The following ABTB2 variants were observed in gnomAD, a reference collection of about 807,000 sequenced individuals.
ABTB2 encodes the protein ankyrin repeat and BTB domain containing 2.
A neutral mutation model predicts 104.1 loss-of-function variants in ABTB2; 56 were observed. The ratio of observed to expected loss-of-function variants is 0.54; its 90% CI spans 0.43 to 0.67. The LOEUF (loss-of-function observed/expected upper bound fraction) is 0.67, where lower values mean the gene tolerates loss of function less well. ABTB2 is among the 30% of genes least tolerant of loss of function. The pLI is 0.00. For synonymous variants in ABTB2, 606 were observed against 608.2 expected, an observed-to-expected ratio of 1.00 and a Z score of 0.05; for missense variants, 1,279 against 1,407.7, an observed-to-expected ratio of 0.91 and a Z score of 1.46.
At chr11:34,241,167 A>G (rs564069929) in intron 1 of ABTB2, among the ~76,000 whole-genome samples, 1 of 152,146 alleles carries the variant, frequency 6.6e-6, no homozygotes, top group Non-Finnish European at 1.5e-5. Flanking sequence ...CTTTGGGCAA[A>G]TAATTTATTT....
intron 1 of ABTB2, among the ~76,000 whole-genome samples, chr11:34,261,432 A>C (rs16925360): frequency 0.053 from 8,028 of 152,178 alleles, 280 homozygotes; most frequent in South Asian, 0.085. Context: ...AATTTAACTT[A>C]TAGAAATCCT....
At position 34,197,489 on chromosome 11, in the gene ABTB2, C is replaced by A. The variant is rs771974305; in HGVS notation, c.1080G>T (p.Leu360=). The change falls in exon 3 of 17, where the codon CTG becomes CTT. Residue 360 remains leucine, a synonymous_variant. Coordinates refer to ENST00000435224, the MANE Select transcript of ABTB2 (RefSeq NM_145804.3). Reference sequence around the variant, plus strand: ...GGCGGGCAGGGCTGGCACCCGGGCACAGGGGGTGACGCCCCTGCATGTGGT... The same window carrying A: ...GGCGGGCAGGGCTGGCACCCGGGCAAAGGGGGTGACGCCCCTGCATGTGGT... ...AMHHMQGRHP[L]CPGASPARQA... is the part of the protein sequence containing the mutation. 5.1e-6 allele frequency: 8 copies of A among 1,579,896 alleles called. No individual in the cohort carries two copies. The highest frequency in any genetic ancestry group is 6.9e-6 in the Non-Finnish European group (8 of 1,165,670).
At chr11:34,317,761 CAAAAA>C (rs772418965) in intron 1 of ABTB2, among the ~76,000 whole-genome samples, 1 of 125,640 alleles carries the variant, frequency 8.0e-6, no homozygotes, top group Non-Finnish European at 1.7e-5. Flanking sequence ...AATCCTGTCT[CAAAAA>C]AAAAAAAAAA....
intron 12 of ABTB2, 25 bp downstream of exon 12, chr11:34,160,223 C>G: frequency 3.2e-6 from 5 of 1,569,624 alleles, no homozygotes; most frequent in Non-Finnish European, 4.4e-6. Context: ...TGTGGTGATG[C>G]AGGGCGCAGG....
intron 9 of ABTB2, among the ~76,000 whole-genome samples, chr11:34,164,211 G>A (rs1032699188): frequency 2.0e-5 from 3 of 152,162 alleles, no homozygotes; most frequent in East Asian, 1.9e-4. Flanking sequence ...CTGCTGTCCC[G>A]CCACACCCCT....
chr11:34,264,506 C>T (rs899500846), intron 1 of ABTB2, among the ~76,000 whole-genome samples: 2 of 152,246 alleles, frequency 1.3e-5, no homozygotes, highest in Admixed American at 1.3e-4. Context: ...ACCTTTCAAA[C>T]TTGCTCAGAA....
intron 3 of ABTB2, among the ~76,000 whole-genome samples, chr11:34,186,137 T>G (rs1590210691): frequency 6.6e-6 from 1 of 152,232 alleles, no homozygotes; most frequent in Non-Finnish European, 1.5e-5. Context: ...GCTTTTGCTC[T>G]CTCAGCCTCA....
chr11:34,182,425 G>A (rs1041385256), intron 3 of ABTB2, among the ~76,000 whole-genome samples: 22 of 147,684 alleles, frequency 1.5e-4, no homozygotes, highest in Non-Finnish European at 2.4e-4. Context: ...CCTCTGAACC[G>A]CAGCTGAGCC....
intron 1 of ABTB2, among the ~76,000 whole-genome samples, chr11:34,247,028 G>C (rs1054143584): frequency 6.6e-6 from 1 of 151,866 alleles, no homozygotes; most frequent in Non-Finnish European, 1.5e-5. Context: ...TGTATTTTTA[G>C]TAGAGACGGG....
At chr11:34,260,575 A>AGGATAAATTGTATTGATAAG (rs1854176798) in intron 1 of ABTB2, among the ~76,000 whole-genome samples, 1 of 152,216 alleles carries the variant, frequency 6.6e-6, no homozygotes, top group Non-Finnish European at 1.5e-5. Context: ...CCTCCTTCAA[A>AGGATAAATTGTATTGATAAG]GGATAAATTG....
chr11:34,229,695 A>G (rs17708516), intron 1 of ABTB2, among the ~76,000 whole-genome samples: 16,280 of 152,196 alleles, frequency 0.11, 1,131 homozygotes, highest in Non-Finnish European at 0.16. Context: ...CACTATAAGA[A>G]TAATTAATGC....
intron 1 of ABTB2, among the ~76,000 whole-genome samples, chr11:34,354,677 T>C (rs1288478612): frequency 6.6e-6 from 1 of 152,236 alleles, no homozygotes; most frequent in Non-Finnish European, 1.5e-5. Flanking sequence ...TGGTCTTCCT[T>C]ATTTCAATTT....
At chr11:34,321,924 C>T (rs561000940) in intron 1 of ABTB2, among the ~76,000 whole-genome samples, 17 of 152,228 alleles carry the variant, frequency 1.1e-4, no homozygotes, top group African/African-American at 2.4e-4. Flanking sequence ...TCAGGACAGT[C>T]GGGACTCACC....
chr11:34,320,063 A>G (rs1380833406), intron 1 of ABTB2, among the ~76,000 whole-genome samples: 2 of 152,228 alleles, frequency 1.3e-5, no homozygotes, highest in African/African-American at 4.8e-5. Context: ...TTTAGAGAGC[A>G]GGTGTATTAA....
chr11:34,357,854 A>C lies in ABTB2; in HGVS notation c.-271T>G. 1 of 443,816 alleles carries C rather than the reference A, an allele frequency of 2.3e-6. No homozygotes were observed. Among genetic ancestry groups the C allele is most frequent in the East Asian group, 3.7e-5 (1 of 27,040 alleles). 27.5% of individuals were successfully genotyped at this position (443,816 alleles called of 1,614,324 possible). A position where few individuals can be genotyped will look rare whatever the true frequency, so the allele number is the denominator to read the frequency against. On this transcript the variant is annotated 5_prime_UTR_variant, in exon 1 of 17. Transcript: ENST00000435224. ...TACCCCCCGGCACTCCCCCTTGTCC[A>C]CCTCTAATTCCCACAAGCAGAGAGT...
intron 9 of ABTB2, among the ~76,000 whole-genome samples, chr11:34,163,634 C>T (rs890912792): frequency 2.0e-5 from 3 of 152,226 alleles, no homozygotes; most frequent in African/African-American, 4.8e-5. Flanking sequence ...ACGGCTACCC[C>T]GCAGATCCTC....
At chr11:34,213,530 A>T (rs943089282) in intron 1 of ABTB2, among the ~76,000 whole-genome samples, 4 of 152,262 alleles carry the variant, frequency 2.6e-5, no homozygotes, top group East Asian at 1.9e-4. Flanking sequence ...GCAAATTTGG[A>T]ATCCCCACTG....
intron 3 of ABTB2, among the ~76,000 whole-genome samples, chr11:34,196,411 A>C (rs1853257046): frequency 6.6e-6 from 1 of 152,110 alleles, no homozygotes; most frequent in African/African-American, 2.4e-5. Flanking sequence ...AAAATTAGCC[A>C]GGCGTGGTGG....
intron 1 of ABTB2, among the ~76,000 whole-genome samples, chr11:34,210,421 A>G (rs1413977455): frequency 6.6e-6 from 1 of 152,194 alleles, no homozygotes; most frequent in Non-Finnish European, 1.5e-5. Flanking sequence ...CCAGAGCTAT[A>G]ACACCACCAC....
Sources: allele counts gnomAD v4.1 joint callset (sites outside exome capture counted in the v4.1 genomes callset), GRCh38; gene constraint gnomAD v4.1.1; transcripts MANE v1.5; gene names NCBI Gene and HGNC (gene_info 2026-07-23, HGNC 2026-07-21).